TNKS: variants seen among roughly 807,000 people sequenced by gnomAD.
TNKS encodes tankyrase, also known as poly [ADP-ribose] polymerase tankyrase-1.
TNKS carries 72 observed loss-of-function variants against 135.8 expected under a neutral mutation model. The ratio of observed to expected loss-of-function variants is 0.53; its 90% CI spans 0.44 to 0.64. TNKS has a LOEUF of 0.64. Ranked by LOEUF, TNKS falls within the 30% of genes least tolerant of loss-of-function variation. The probability of loss-of-function intolerance (pLI) is 0.00; values close to 1 mark genes in which losing one functional copy is unlikely to be tolerated. For synonymous variants in TNKS, 849 were observed against 649.3 expected (o/e 1.31, Z -4.68); for missense variants, 1,769 against 1,674.0 (o/e 1.06, Z -0.99).
intron 17 of TNKS, among the ~76,000 whole-genome samples, chr8:9,746,760 C>T (rs1307205902): frequency 9.9e-5 from 15 of 152,018 alleles, no homozygotes; most frequent in Admixed American, 5.9e-4. Context: ...GAATGATGCC[C>T]CCTCGACTGT....
At chr8:9,598,582 G>C (rs1302364668) in intron 2 of TNKS, among the ~76,000 whole-genome samples, 2 of 150,996 alleles carry the variant, frequency 1.3e-5, no homozygotes, top group African/African-American at 4.9e-5. Flanking sequence ...TGTAGTCCTA[G>C]CTACTCGGGA....
At chr8:9,723,202 G>A (rs7015787) in intron 12 of TNKS, among the ~76,000 whole-genome samples, 104,916 of 149,642 alleles carry the variant, frequency 0.7, 37,318 homozygotes, top group Admixed American at 0.8. Context: ...AATAGGATAT[G>A]AGTTTTTAAA....
chr8:9,779,581 T>C lies in TNKS; in HGVS notation c.*2845T>C, dbSNP rs1418322905. On this transcript the variant is annotated 3_prime_UTR_variant, in exon 27 of 27. Transcript: ENST00000310430. ...CTGGTCCCGAACTTTCTCCCTGTAT[T>C]TGACCTCCTTCCCTCTTTCCTAAAT... The C allele has an allele frequency of 1.3e-5, 2 of 152,170 alleles. No individual in the cohort carries two copies. Among genetic ancestry groups the C allele is most frequent in the Non-Finnish European group, 2.9e-5 (2 of 68,052 alleles). 9.4% of individuals were successfully genotyped at this position (152,170 alleles called of 1,614,324 possible).
chr8:9,596,411 T>C (rs1268543660), intron 2 of TNKS, among the ~76,000 whole-genome samples: 1 of 152,230 alleles, frequency 6.6e-6, no homozygotes, highest in African/African-American at 2.4e-5. Context: ...AGAAAACTAT[T>C]AAGTATAATA....
intron 2 of TNKS, among the ~76,000 whole-genome samples, chr8:9,582,419 T>C: frequency 6.6e-6 from 1 of 152,232 alleles, no homozygotes. Context: ...GATGAAATAC[T>C]GGCCTGATTT....
chr8:9,733,229 G>A, intron 14 of TNKS, 50 bp from the exon 15 acceptor site: 8 of 1,494,706 alleles, frequency 5.4e-6, no homozygotes, highest in Non-Finnish European at 7.1e-6. Context: ...AAGAATCATT[G>A]TAACTCAAAG....
chr8:9,724,265 C>T lies in TNKS; in HGVS notation c.1922-2376C>T, dbSNP rs184156711. ...AGGAGTTCAAGCCCAGCTTGGGCAA[C>T]ATGGCGAAACCCCGTCTCTACTTAA... On this transcript the variant is annotated intron_variant, in intron 12 of 26. Transcript: ENST00000310430. Among the ~76,000 whole-genome samples, 219 of 152,146 alleles carry T rather than the reference C, an allele frequency of 1.4e-3. 1 individual carries two copies. Among genetic ancestry groups the T allele is most frequent in the African/African-American group, 5.2e-3 (214 of 41,506 alleles).
chr8:9,718,522 TGAATCATA>T (rs1328112019), intron 11 of TNKS, among the ~76,000 whole-genome samples: 1 of 152,208 alleles, frequency 6.6e-6, no homozygotes, highest in Non-Finnish European at 1.5e-5. Context: ...TGGCATTTTT[TGAATCATA>T]ATTTCATGTC....
intron 5 of TNKS, among the ~76,000 whole-genome samples, chr8:9,697,811 A>T (rs540796560): frequency 6.6e-6 from 1 of 152,306 alleles, no homozygotes; most frequent in Admixed American, 6.5e-5. Flanking sequence ...TTGCAGAGAA[A>T]AAGCAATGCT....
In TNKS at chr8:9,782,123, A is replaced by G. The variant is rs1808481059; in HGVS notation, c.*5387A>G. On this transcript the variant is annotated 3_prime_UTR_variant, in exon 27 of 27. Coordinates refer to ENST00000310430, the MANE Select transcript of TNKS (RefSeq NM_003747.3). ...CATGGGAAATCACCTACAGCATGTT[A>G]AAGTCCTCTAGTCATCATCTCGTCA... The G allele has an allele frequency of 1.3e-5, 2 of 152,444 alleles. No homozygotes were observed. The highest frequency in any genetic ancestry group is 2.4e-5 in the African/African-American group (1 of 41,430). 9.4% of individuals were successfully genotyped at this position (152,444 alleles called of 1,614,324 possible).
At chr8:9,772,059 G>T (rs1807934528) in intron 26 of TNKS, among the ~76,000 whole-genome samples, 1 of 132,442 alleles carries the variant, frequency 7.6e-6, no homozygotes, top group African/African-American at 2.9e-5. Context: ...GGTAGGGAGG[G>T]ATGGAGGGGG....
chr8:9,746,215 T>A (rs1439705596), intron 17 of TNKS, among the ~76,000 whole-genome samples: 1 of 152,216 alleles, frequency 6.6e-6, no homozygotes. Context: ...GGAGTTGAAA[T>A]GGATCTCAGA....
At position 9,610,368 on chromosome 8, in the gene TNKS, G is replaced by A. The variant is rs1799412100; in HGVS notation, c.899-5214G>A. 3.3e-5 allele frequency among the ~76,000 whole-genome samples: 5 copies of A among 151,004 alleles called. No individual in the cohort carries two copies. In the South Asian group the frequency reaches 1.0e-3, roughly 31 times the overall value. Reference sequence around the variant, plus strand: ...TACTATATATGATATAATGTATACTGTATAATATAATGGCATAGTTTATGC... The same window carrying A: ...TACTATATATGATATAATGTATACTATATAATATAATGGCATAGTTTATGC... On this transcript the variant is annotated intron_variant, in intron 2 of 26. Transcript: ENST00000310430.
At chr8:9,754,591 C>G (rs1461265920) in intron 20 of TNKS, among the ~76,000 whole-genome samples, 3 of 151,990 alleles carry the variant, frequency 2.0e-5, no homozygotes, top group African/African-American at 7.2e-5. Flanking sequence ...AGGGATAGCA[C>G]TGGACTAAAA....
chr8:9,616,139 C>T (rs906633353), intron 3 of TNKS, among the ~76,000 whole-genome samples: 2 of 152,164 alleles, frequency 1.3e-5, no homozygotes, highest in Admixed American at 1.3e-4. Flanking sequence ...ATACTTTAAT[C>T]ATATGTTTTC....
intron 1 of TNKS, chr8:9,557,654 A>G (rs1179514474): frequency 6.6e-6 from 1 of 152,138 alleles, no homozygotes; most frequent in Non-Finnish European, 1.5e-5. Flanking sequence ...ACACAGAAAC[A>G]TCAGAGATAA....
intron 5 of TNKS, among the ~76,000 whole-genome samples, chr8:9,693,475 A>C (rs1219130510): frequency 6.6e-6 from 1 of 152,186 alleles, no homozygotes; most frequent in African/African-American, 2.4e-5. Context: ...AAAAATAATA[A>C]ACGTTTATAT....
chr8:9,620,165 G>A (rs990584614), intron 3 of TNKS, among the ~76,000 whole-genome samples: 8 of 152,094 alleles, frequency 5.3e-5, no homozygotes, highest in Non-Finnish European at 7.4e-5. Context: ...GGCCAGGATG[G>A]TCTCGATCTC....
intron 1 of TNKS, among the ~76,000 whole-genome samples, chr8:9,567,217 C>T (rs1434224095): frequency 6.6e-6 from 1 of 152,180 alleles, no homozygotes; most frequent in Non-Finnish European, 1.5e-5. Context: ...TCCCTCCAGT[C>T]CTTCTCTTAG....
Sources: gnomAD v4.1 joint callset for allele counts (sites outside exome capture counted in the v4.1 genomes callset) on GRCh38, gnomAD v4.1.1 for gene constraint, MANE v1.5 for transcripts, NCBI Gene and HGNC (gene_info 2026-07-23, HGNC 2026-07-21) for gene names.